Variants in DNM3 observed in about 807,000 individuals in gnomAD.
DNM3 encodes the protein dynamin 3.
In DNM3, 47 loss-of-function variants were observed where a neutral mutation model predicts 101.6. That is an observed-to-expected ratio of 0.46 (90% confidence interval 0.37 to 0.59). The LOEUF (loss-of-function observed/expected upper bound fraction) is 0.59. Among genes scored for constraint, DNM3 ranks in the 20% least tolerant of loss-of-function variants. The probability of loss-of-function intolerance (pLI) is 0.00; values close to 1 mark genes in which losing one functional copy is unlikely to be tolerated. For missense variants in DNM3, 849 were observed against 1,085.7 expected (o/e 0.78, Z 3.06); for synonymous variants, 385 against 387.9 (o/e 0.99, Z 0.09).
chr1:172,333,174 G>T (rs2066263009), intron 17 of DNM3, among the ~76,000 whole-genome samples: 1 of 152,128 alleles, frequency 6.6e-6, no homozygotes, highest in Admixed American at 6.6e-5. Context: ...AAGAATTAGG[G>T]ATTCTTGTGA....
chr1:172,180,042 T>A (rs1383234949), intron 14 of DNM3, among the ~76,000 whole-genome samples: 1 of 152,042 alleles, frequency 6.6e-6, no homozygotes, highest in African/African-American at 2.4e-5. Context: ...AAATTTGCAG[T>A]GTTTTTGAAG....
intron 14 of DNM3, among the ~76,000 whole-genome samples, chr1:172,159,301 G>A (rs981905950): frequency 2.0e-5 from 3 of 151,822 alleles, no homozygotes; most frequent in South Asian, 4.2e-4. Context: ...CTTTTTAAAT[G>A]TATTATCTTC....
At chr1:171,982,477 T>C (rs1373977972) in intron 2 of DNM3, among the ~76,000 whole-genome samples, 1 of 152,170 alleles carries the variant, frequency 6.6e-6, no homozygotes, top group Non-Finnish European at 1.5e-5. Flanking sequence ...TTGAATTCTT[T>C]TCCAGGAGGC....
chr1:172,240,336 G>A (rs1368149226), intron 14 of DNM3, among the ~76,000 whole-genome samples: 1 of 152,020 alleles, frequency 6.6e-6, no homozygotes, highest in Non-Finnish European at 1.5e-5. Flanking sequence ...GCCTCTTTTT[G>A]AGAGAGAGGG....
intron 14 of DNM3, among the ~76,000 whole-genome samples, chr1:172,136,037 A>G (rs2057208372): frequency 6.6e-6 from 1 of 152,126 alleles, no homozygotes; most frequent in Non-Finnish European, 1.5e-5. Context: ...CTAGGCAAGC[A>G]GAATAATGCA....
intron 4 of DNM3, among the ~76,000 whole-genome samples, chr1:172,021,958 A>T (rs920016184): frequency 2.6e-5 from 4 of 152,230 alleles, no homozygotes; most frequent in African/African-American, 9.6e-5. Flanking sequence ...GGAATTCTGT[A>T]CTTGCCAGAG....
chr1:172,291,326 A>G (rs1034611714), intron 15 of DNM3, among the ~76,000 whole-genome samples: 2 of 152,136 alleles, frequency 1.3e-5, no homozygotes, highest in African/African-American at 4.8e-5. Flanking sequence ...AAGGCATGCT[A>G]GTATACAATA....
chr1:172,185,163 A>G (rs1301866750), intron 14 of DNM3, among the ~76,000 whole-genome samples: 1 of 152,018 alleles, frequency 6.6e-6, no homozygotes, highest in Non-Finnish European at 1.5e-5. Context: ...GCTAAGATGG[A>G]ATTGAGGGAA....
At chr1:171,956,351 CA>C (rs2042857192) in intron 2 of DNM3, among the ~76,000 whole-genome samples, 1 of 152,136 alleles carries the variant, frequency 6.6e-6, no homozygotes, top group African/African-American at 2.4e-5. Flanking sequence ...TTGACCAAAA[CA>C]AGGGGATAAA....
chr1:171,966,082 C>T (rs555081454), intron 2 of DNM3, among the ~76,000 whole-genome samples: 28 of 152,358 alleles, frequency 1.8e-4, no homozygotes, highest in Admixed American at 3.9e-4. Context: ...GCATTCACCA[C>T]TTGGTCCATA....
In DNM3 at chr1:172,357,444, G is replaced by T. The variant is rs77488405; in HGVS notation, c.1894-21574G>T. The stretch of plus-strand genomic sequence containing the variant: ...GAGAAAGACACACCATTTATGTGGC[G>T]TGTTTTTGCTAAAAATGCACAACCT... On this transcript the variant is annotated intron_variant, in intron 17 of 20. Transcript: ENST00000627582. Among the ~76,000 whole-genome samples the T allele has an allele frequency of 8.4e-3, 1,271 of 152,164 alleles. 10 individuals carry two copies. Among genetic ancestry groups the T allele is most frequent in the African/African-American group, 0.029 (1,195 of 41,538 alleles).
intron 1 of DNM3, among the ~76,000 whole-genome samples, chr1:171,897,857 C>T (rs2037948565): frequency 1.3e-5 from 2 of 151,716 alleles, no homozygotes; most frequent in African/African-American, 2.4e-5. Flanking sequence ...TACTTTTGAT[C>T]AAATGGCTTT....
intron 14 of DNM3, among the ~76,000 whole-genome samples, chr1:172,240,299 G>A (rs760886309): frequency 2.0e-5 from 3 of 152,130 alleles, no homozygotes. Flanking sequence ...TTTCTCCTTA[G>A]TGCTGCCTCT....
At chr1:172,380,419 C>A (rs1315339999) in intron 18 of DNM3, among the ~76,000 whole-genome samples, 1 of 152,070 alleles carries the variant, frequency 6.6e-6, no homozygotes, top group Non-Finnish European at 1.5e-5. Context: ...CAACCCCAAG[C>A]ACTCATGTGA....
chr1:172,396,215 A>G (rs1210493018), intron 20 of DNM3, among the ~76,000 whole-genome samples: 1 of 152,242 alleles, frequency 6.6e-6, no homozygotes, highest in African/African-American at 2.4e-5. Flanking sequence ...TGTGAATCAT[A>G]GAAAGAATAA....
chr1:172,181,725 A>G (rs1346371486), intron 14 of DNM3, among the ~76,000 whole-genome samples: 3 of 152,090 alleles, frequency 2.0e-5, no homozygotes, highest in Non-Finnish European at 4.4e-5. Context: ...TTTAAGGGAA[A>G]TAATTGGACT....
intron 17 of DNM3, among the ~76,000 whole-genome samples, chr1:172,333,745 CAACT>C (rs1311995244): frequency 6.6e-6 from 1 of 151,962 alleles, no homozygotes; most frequent in East Asian, 1.9e-4. Context: ...AGTTGCATCC[CAACT>C]AACTGAGTTA....
chr1:172,322,536 C>T (rs1012653998), intron 16 of DNM3, among the ~76,000 whole-genome samples: 2 of 152,122 alleles, frequency 1.3e-5, no homozygotes, highest in African/African-American at 4.8e-5. Flanking sequence ...ACAGGAGAGC[C>T]ATTTGCCCTG....
chr1:172,270,742 G>A (rs1573228897), intron 15 of DNM3, among the ~76,000 whole-genome samples: 1 of 152,140 alleles, frequency 6.6e-6, no homozygotes, highest in Admixed American at 6.6e-5. Context: ...TATTTGCAAC[G>A]TCTAACTGTA....
Sources: allele counts gnomAD v4.1 joint callset (sites outside exome capture counted in the v4.1 genomes callset), GRCh38; gene constraint gnomAD v4.1.1; transcripts MANE v1.5; gene names NCBI Gene and HGNC (gene_info 2026-07-23, HGNC 2026-07-21).